MPP7: variants seen among roughly 807,000 people sequenced by gnomAD.
The protein encoded by MPP7 is MAGUK p55 scaffold protein 7.
MPP7 carries 60 observed loss-of-function variants against 76.5 expected under a neutral mutation model. That is an observed-to-expected ratio of 0.78 (90% CI 0.64 to 0.97). The LOEUF (loss-of-function observed/expected upper bound fraction) is 0.97. Among genes scored for constraint, MPP7 ranks in the 50% least tolerant of loss-of-function variants. The probability of loss-of-function intolerance (pLI) is 0.00; values close to 1 mark genes in which losing one functional copy is unlikely to be tolerated. For missense variants in MPP7, 641 were observed against 694.0 expected (o/e 0.92, Z 0.86); for synonymous variants, 237 against 244.5 (o/e 0.97, Z 0.29).
intron 3 of MPP7, among the ~76,000 whole-genome samples, chr10:28,168,274 G>A (rs1305984764): frequency 6.6e-6 from 1 of 151,892 alleles, no homozygotes; most frequent in African/African-American, 2.4e-5. Context: ...GCCCCTACAT[G>A]TTTCTGATGT....
chr10:28,104,766 T>C (rs948759236), intron 11 of MPP7, among the ~76,000 whole-genome samples: 1 of 152,152 alleles, frequency 6.6e-6, no homozygotes, highest in African/African-American at 2.4e-5. Flanking sequence ...AGTCTTTTTA[T>C]ACCGTATGAC....
At chr10:28,236,474 C>T (rs184046437) in intron 2 of MPP7, 2 of 151,662 alleles carry the variant, frequency 1.3e-5, no homozygotes, top group Non-Finnish European at 2.9e-5. Context: ...TGATTAAAAA[C>T]AAAAGGAAAA....
At chr10:28,108,917 G>A (rs1320180906) in intron 11 of MPP7, among the ~76,000 whole-genome samples, 1 of 152,076 alleles carries the variant, frequency 6.6e-6, no homozygotes, top group Non-Finnish European at 1.5e-5. Context: ...TGGTCATAAG[G>A]CTTAATTATA....
intron 3 of MPP7, among the ~76,000 whole-genome samples, chr10:28,174,245 G>T (rs747020456): frequency 1.3e-5 from 2 of 151,888 alleles, no homozygotes; most frequent in African/African-American, 2.4e-5. Context: ...GTTTGGATAT[G>T]GGGAGCCTTT....
chr10:28,073,399 T>C (rs1852328578), intron 12 of MPP7, among the ~76,000 whole-genome samples: 1 of 152,048 alleles, frequency 6.6e-6, no homozygotes, highest in Non-Finnish European at 1.5e-5. Context: ...TTTTCAGGAG[T>C]TATTCTGGTC....
At position 28,052,201 on chromosome 10, in the gene MPP7, T is replaced by C. The variant is rs1323988745; in HGVS notation, c.*1864A>G. 6.6e-6 allele frequency: 1 copy of C among 152,204 alleles called. No individual in the cohort carries two copies. The highest frequency in any genetic ancestry group is 1.5e-5 in the Non-Finnish European group (1 of 68,030). 9.4% of individuals were successfully genotyped at this position (152,204 alleles called of 1,614,324 possible). On this transcript the variant is annotated 3_prime_UTR_variant, in exon 17 of 17. Transcript: ENST00000683449. ...TCAGGTGATTGCCTGAATTATTACA[T>C]ATGTCCCATCATTCTTTGTACAAGA... is the stretch of plus-strand genomic sequence containing the variant.
At chr10:28,310,092 C>G (rs1841281590) in intron 2 of MPP7, among the ~76,000 whole-genome samples, 1 of 151,100 alleles carries the variant, frequency 6.6e-6, no homozygotes, top group Admixed American at 6.6e-5. Context: ...ACCTCTGCCT[C>G]CTGGGTTCAA....
intron 1 of MPP7, among the ~76,000 whole-genome samples, chr10:28,289,602 G>A (rs1840865724): frequency 6.6e-6 from 1 of 152,176 alleles, no homozygotes; most frequent in Non-Finnish European, 1.5e-5. Context: ...CAGTGTCTAA[G>A]GTGAGTGGGC....
upstream of MPP7, among the ~76,000 whole-genome samples, chr10:28,306,916 G>C (rs1289286673): frequency 6.6e-6 from 1 of 152,122 alleles, no homozygotes; most frequent in Non-Finnish European, 1.5e-5. Flanking sequence ...CTCCTATTCT[G>C]ATAACCAGCC....
chr10:28,190,649 G>C (rs933896104), intron 3 of MPP7, among the ~76,000 whole-genome samples: 4 of 152,134 alleles, frequency 2.6e-5, no homozygotes, highest in South Asian at 4.1e-4. Flanking sequence ...AAACTTGTGA[G>C]ATGCTGCAAA....
Position 28,234,418 on chromosome 10 carries a change from C to T in MPP7, c.37+4150G>A, listed in dbSNP as rs577046869. On this transcript the variant is annotated intron_variant, in intron 2 of 16. Coordinates refer to ENST00000683449, the MANE Select transcript of MPP7 (RefSeq NM_001318170.2). ...AAATAATTTAGATAGCTCCTTTACC[C>T]TAAAGGAGGAGAAACGACACATGCT... Among the ~76,000 whole-genome samples, 3 of 152,170 alleles carry T rather than the reference C, an allele frequency of 2.0e-5. No individual in the cohort carries two copies. The South Asian group carries it at 6.2e-4, about 32-fold the overall frequency.
chr10:28,084,044 C>T (rs761021539), intron 12 of MPP7, among the ~76,000 whole-genome samples: 10 of 152,154 alleles, frequency 6.6e-5, no homozygotes, highest in Non-Finnish European at 1.5e-4. Context: ...AAGAGTTTCA[C>T]ATAAAGTTAA....
chr10:28,166,400 A>ATTTTTTTT (rs34887665), intron 3 of MPP7, among the ~76,000 whole-genome samples: 1 of 93,434 alleles, frequency 1.1e-5, no homozygotes, highest in Non-Finnish European at 2.0e-5. Context: ...TTACCTTTTA[A>ATTTTTTTT]TTTTTTTTTT....
At position 28,125,109 on chromosome 10, in the gene MPP7, A is replaced by G. The variant is rs756643252; in HGVS notation, c.448-18T>C. The G allele has an allele frequency of 6.2e-6, 10 of 1,608,692 alleles. No individual in the cohort carries two copies. Among genetic ancestry groups the G allele is most frequent in the Non-Finnish European group, 3.4e-6 (4 of 1,175,180 alleles). On this transcript the variant is annotated intron_variant, in intron 6 of 16. Coordinates refer to ENST00000683449, the MANE Select transcript of MPP7 (RefSeq NM_001318170.2). ...GTAGCTCCCTTTTAAGACAAAAACA[A>G]AAAGCATTTGTGGGTAAATGTGTGT...
intron 2 of MPP7, among the ~76,000 whole-genome samples, chr10:28,209,469 CAA>C (rs34583825): frequency 1.1e-3 from 131 of 122,590 alleles, no homozygotes; most frequent in Admixed American, 2.4e-3. Context: ...ATCCTATCTC[CAA>C]AAAAAAAAAA....
At chr10:28,237,711 G>T (rs1182266646) in intron 2 of MPP7, among the ~76,000 whole-genome samples, 1 of 152,122 alleles carries the variant, frequency 6.6e-6, no homozygotes, top group East Asian at 1.9e-4. Context: ...CCAAATTCAG[G>T]ATGGCCCATA....
intron 11 of MPP7, among the ~76,000 whole-genome samples, chr10:28,090,984 TAAA>T (rs1225838691): frequency 2.0e-5 from 3 of 151,916 alleles, no homozygotes; most frequent in Non-Finnish European, 4.4e-5. Context: ...CCATCTCTAC[TAAA>T]AATACAAAAA....
At chr10:28,089,010 G>A (rs1015519235) in intron 12 of MPP7, among the ~76,000 whole-genome samples, 5 of 152,110 alleles carry the variant, frequency 3.3e-5, no homozygotes, top group African/African-American at 7.2e-5. Context: ...TGAGTAGCTC[G>A]GACTACAGGA....
chr10:28,130,697 G>A (rs989373600), intron 6 of MPP7, among the ~76,000 whole-genome samples: 6 of 151,968 alleles, frequency 3.9e-5, no homozygotes, highest in African/African-American at 1.2e-4. Context: ...ACAATTCCCC[G>A]AACTAACAAA....
Sources: allele counts gnomAD v4.1 joint callset (sites outside exome capture counted in the v4.1 genomes callset), GRCh38; gene constraint gnomAD v4.1.1; transcripts MANE v1.5; gene names NCBI Gene and HGNC (gene_info 2026-07-23, HGNC 2026-07-21).